Variants in RORA observed in about 807,000 individuals in gnomAD.
The protein encoded by RORA is RAR related orphan receptor A, also known as nuclear receptor ROR-alpha.
In RORA, 7 loss-of-function variants were observed where a neutral mutation model predicts 69.5. The observed-to-expected ratio is 0.10, with a 90% confidence interval of 0.06 to 0.19. The LOEUF (loss-of-function observed/expected upper bound fraction) is 0.19. RORA is among the 10% of genes least tolerant of loss of function. RORA has a pLI of 1.00. For missense variants in RORA, 457 were observed against 663.0 expected (o/e 0.69, Z 3.41); for synonymous variants, 261 against 240.8 (o/e 1.08, Z -0.78).
intron 1 of RORA, among the ~76,000 whole-genome samples, chr15:61,212,258 T>A (rs201331091): frequency 5.7e-4 from 85 of 149,086 alleles, no homozygotes; most frequent in African/African-American, 1.4e-3. Context: ...TTGTTTGTTT[T>A]AAAAAAAAAA....
chr15:60,658,674 T>C (rs1211672283), intron 2 of RORA, among the ~76,000 whole-genome samples: 1 of 152,230 alleles, frequency 6.6e-6, no homozygotes, highest in Non-Finnish European at 1.5e-5. Context: ...ATTTAATAAA[T>C]GCCAACCCAA....
intron 1 of RORA, among the ~76,000 whole-genome samples, chr15:61,223,894 T>A (rs767931942): frequency 2.0e-5 from 3 of 151,700 alleles, no homozygotes; most frequent in Non-Finnish European, 2.9e-5. Context: ...AGGTTTTTTT[T>A]AAAGCATTAA....
At chr15:60,639,901 T>A (rs1353140454) in intron 2 of RORA, among the ~76,000 whole-genome samples, 1 of 152,186 alleles carries the variant, frequency 6.6e-6, no homozygotes, top group Non-Finnish European at 1.5e-5. Context: ...ATCAATAATT[T>A]GCAAGAAAAG....
rs2065180523 is a variant in RORA, at chr15:60,496,881, T to C, written c.*574A>G. On this transcript the variant is annotated 3_prime_UTR_variant, in exon 11 of 11. Coordinates refer to ENST00000335670, the MANE Select transcript of RORA (RefSeq NM_134261.3). The surrounding 1 kb of genome is among the most constrained non-coding windows in gnomAD (Gnocchi z 4.5). ...AAACAATATATAAACAATATCTCTTTTAGCTATATATAGTCTTCATGCCCA... is the reference window on the plus strand; with the variant it reads ...AAACAATATATAAACAATATCTCTTCTAGCTATATATAGTCTTCATGCCCA... 6.6e-6 allele frequency: 1 copy of C among 152,256 alleles called. No individual in the cohort carries two copies. Among genetic ancestry groups the C allele is most frequent in the Admixed American group, 6.5e-5 (1 of 15,292 alleles). 9.4% of individuals were successfully genotyped at this position (152,256 alleles called of 1,614,324 possible). A position where few individuals can be genotyped will look rare whatever the true frequency, so the allele number is the denominator to read the frequency against.
intron 1 of RORA, among the ~76,000 whole-genome samples, chr15:61,225,996 T>C (rs546235913): frequency 1.3e-4 from 20 of 152,330 alleles, no homozygotes; most frequent in African/African-American, 4.6e-4. Context: ...AGCAGTTTTA[T>C]GGACAGGGGA....
At chr15:61,205,760 G>C (rs2079935788) in intron 1 of RORA, among the ~76,000 whole-genome samples, 1 of 152,170 alleles carries the variant, frequency 6.6e-6, no homozygotes, top group African/African-American at 2.4e-5. Flanking sequence ...AGCTCCATTT[G>C]CTTAGGCTGC....
intron 1 of RORA, among the ~76,000 whole-genome samples, chr15:60,704,235 C>T (rs565289962): frequency 1.4e-4 from 21 of 152,256 alleles, no homozygotes; most frequent in Non-Finnish European, 2.2e-4. Flanking sequence ...CATCTCGGCT[C>T]TTCTCTGGTG....
At chr15:60,710,362 A>T (rs2071126440) in intron 1 of RORA, among the ~76,000 whole-genome samples, 1 of 152,040 alleles carries the variant, frequency 6.6e-6, no homozygotes, top group African/African-American at 2.4e-5. Flanking sequence ...GTGGTGCATG[A>T]CTGTAATCTC....
At chr15:60,822,759 C>G (rs530935132) in intron 1 of RORA, among the ~76,000 whole-genome samples, 1 of 152,110 alleles carries the variant, frequency 6.6e-6, no homozygotes, top group Non-Finnish European at 1.5e-5. Flanking sequence ...GGGTCAGGCC[C>G]GGACAAATGC....
At chr15:61,104,318 C>T (rs919943311) in intron 1 of RORA, among the ~76,000 whole-genome samples, 2 of 152,234 alleles carry the variant, frequency 1.3e-5, no homozygotes, top group African/African-American at 2.4e-5. Flanking sequence ...CCGGTAGGCT[C>T]TGTCAGTTTC....
chr15:60,650,346 T>C (rs1352835730), intron 2 of RORA, among the ~76,000 whole-genome samples: 5 of 152,302 alleles, frequency 3.3e-5, no homozygotes, highest in Non-Finnish European at 7.3e-5. Flanking sequence ...TCAGTTTCTA[T>C]TTACGCTGCT....
At chr15:61,216,804 G>C (rs1255539203) in intron 1 of RORA, among the ~76,000 whole-genome samples, 2 of 152,174 alleles carry the variant, frequency 1.3e-5, no homozygotes, top group African/African-American at 4.8e-5. Flanking sequence ...CATGGTAGCT[G>C]AACTGAGGGA....
At chr15:60,606,959 C>G (rs932841994) in intron 2 of RORA, among the ~76,000 whole-genome samples, 2 of 152,138 alleles carry the variant, frequency 1.3e-5, no homozygotes, top group African/African-American at 4.8e-5. Flanking sequence ...AAAAGCATCC[C>G]TTTGATATTT....
intron 1 of RORA, among the ~76,000 whole-genome samples, chr15:61,129,899 A>G (rs73432733): frequency 6.6e-6 from 1 of 152,224 alleles, no homozygotes; most frequent in East Asian, 1.9e-4. Context: ...ACCAACACAC[A>G]TTCAGTAAAC....
chr15:60,894,444 A>C (rs745671203), intron 1 of RORA, among the ~76,000 whole-genome samples: 31 of 152,244 alleles, frequency 2.0e-4, no homozygotes, highest in Non-Finnish European at 4.3e-4. Flanking sequence ...TTAGGACCAG[A>C]AATCTAACTG....
At chr15:60,700,737 G>C (rs1210666068) in intron 1 of RORA, among the ~76,000 whole-genome samples, 1 of 152,126 alleles carries the variant, frequency 6.6e-6, no homozygotes, top group African/African-American at 2.4e-5. Context: ...AGACCTCCAA[G>C]CTTTTTTCTG....
chr15:60,974,248 T>G (rs1893812045), intron 1 of RORA, among the ~76,000 whole-genome samples: 2 of 152,188 alleles, frequency 1.3e-5, no homozygotes, highest in South Asian at 4.1e-4. Flanking sequence ...CTTAGGTTAT[T>G]TCCTGTTTTT....
At chr15:60,834,762 G>A (rs550240249) in intron 1 of RORA, among the ~76,000 whole-genome samples, 1 of 152,120 alleles carries the variant, frequency 6.6e-6, no homozygotes, top group Non-Finnish European at 1.5e-5. Context: ...CATTTTGTTC[G>A]CATCTGAGAG....
At chr15:60,893,251 C>T (rs1891129477) in intron 1 of RORA, among the ~76,000 whole-genome samples, 1 of 152,206 alleles carries the variant, frequency 6.6e-6, no homozygotes, top group East Asian at 1.9e-4. Context: ...CCCCCTATCC[C>T]AGGATGCTCG....
Sources: allele counts gnomAD v4.1 joint callset (sites outside exome capture counted in the v4.1 genomes callset), GRCh38; gene constraint gnomAD v4.1.1; non-coding constraint Gnocchi (gnomAD v3.1); transcripts MANE v1.5; gene names NCBI Gene and HGNC (gene_info 2026-07-23, HGNC 2026-07-21).